Variants in SPOCK3 observed in about 807,000 individuals in gnomAD.
SPOCK3 encodes the protein SPARC (osteonectin), cwcv and kazal like domains proteoglycan 3, also known as testican-3.
Under a neutral mutation model 56.6 loss-of-function variants are expected in SPOCK3, and 30 were observed. The ratio of observed to expected loss-of-function variants is 0.53; its 90% confidence interval spans 0.40 to 0.72. The LOEUF is 0.72. Ranked by LOEUF, SPOCK3 falls within the 30% of genes least tolerant of loss-of-function variation. The pLI is 0.00. For missense variants in SPOCK3, 527 were observed against 530.0 expected, an observed-to-expected ratio of 0.99 and a Z score of 0.06; for synonymous variants, 196 against 183.3, an observed-to-expected ratio of 1.07 and a Z score of -0.56.
intron 2 of SPOCK3, among the ~76,000 whole-genome samples, chr4:167,117,566 C>A (rs2150358925): frequency 6.6e-6 from 1 of 152,208 alleles, no homozygotes; most frequent in Middle Eastern, 3.4e-3. Context: ...TTGCCCAAAG[C>A]CAGGGTCGAT....
At chr4:167,109,991 T>A (rs35553216) in intron 2 of SPOCK3, among the ~76,000 whole-genome samples, 22,853 of 152,000 alleles carry the variant, frequency 0.15, 1,991 homozygotes, top group Middle Eastern at 0.22. Context: ...TCTTTTAGAC[T>A]TGTAAACACA....
At chr4:166,894,695 TTAAC>T (rs1162649580) in intron 5 of SPOCK3, among the ~76,000 whole-genome samples, 1 of 152,104 alleles carries the variant, frequency 6.6e-6, no homozygotes, top group African/African-American at 2.4e-5. Flanking sequence ...GGTAACCAGA[TTAAC>T]TGACCAAGGA....
At chr4:167,056,112 GAGGA>G (rs1051709126) in intron 3 of SPOCK3, among the ~76,000 whole-genome samples, 1 of 152,196 alleles carries the variant, frequency 6.6e-6, no homozygotes, top group African/African-American at 2.4e-5. Context: ...AAAACTTCCA[GAGGA>G]ACGATCAGAC....
rs142361945 is a variant in SPOCK3 at position 166,939,860 on chromosome 4, T to C, written c.351-27117A>G. Reference sequence around the variant, plus strand: ...ATTGGTAAACATAATTGAATTTATTTATCTTGTTTAAGGCCATTGGTACTA... The same window carrying C: ...ATTGGTAAACATAATTGAATTTATTCATCTTGTTTAAGGCCATTGGTACTA... On this transcript the variant is annotated intron_variant, in intron 4 of 10. Transcript: ENST00000357545. 2.6e-3 allele frequency among the ~76,000 whole-genome samples: 399 copies of C among 152,354 alleles called. 2 individuals carry two copies. The highest frequency in any genetic ancestry group is 8.7e-3 in the African/African-American group (360 of 41,584).
intron 4 of SPOCK3, among the ~76,000 whole-genome samples, chr4:166,990,048 C>G (rs1168647342): frequency 6.6e-6 from 1 of 152,218 alleles, no homozygotes; most frequent in African/African-American, 2.4e-5. Flanking sequence ...TTTTGACAAG[C>G]AAGAAGTAAT....
chr4:167,189,269 A>G (rs891783141), intron 2 of SPOCK3, among the ~76,000 whole-genome samples: 1 of 146,184 alleles, frequency 6.8e-6, no homozygotes, highest in Non-Finnish European at 1.5e-5. Flanking sequence ...TCACTTAAAT[A>G]TGCAAAATGT....
intron 4 of SPOCK3, among the ~76,000 whole-genome samples, chr4:166,997,272 A>G (rs1748483636): frequency 6.6e-6 from 1 of 152,126 alleles, no homozygotes; most frequent in East Asian, 1.9e-4. Context: ...ACATTTACCT[A>G]TATAACAAAC....
chr4:167,121,994 C>G (rs576854788), intron 2 of SPOCK3, among the ~76,000 whole-genome samples: 314 of 152,086 alleles, frequency 2.1e-3, no homozygotes, highest in Admixed American at 3.5e-3. Flanking sequence ...CCATGGCAAA[C>G]CATAATTTCA....
At chr4:167,085,212 C>G (rs1758079518) in intron 2 of SPOCK3, among the ~76,000 whole-genome samples, 1 of 148,220 alleles carries the variant, frequency 6.7e-6, no homozygotes, top group Non-Finnish European at 1.5e-5. Context: ...TGAGGAATGA[C>G]TATAGGAATT....
chr4:167,018,762 T>A (rs1188870602), intron 3 of SPOCK3, among the ~76,000 whole-genome samples: 1 of 151,966 alleles, frequency 6.6e-6, no homozygotes, highest in African/African-American at 2.4e-5. Context: ...GTCTGTTTGG[T>A]CCATTTGGAA....
intron 2 of SPOCK3, among the ~76,000 whole-genome samples, chr4:167,080,761 C>T (rs1276955156): frequency 6.6e-6 from 1 of 151,836 alleles, no homozygotes; most frequent in African/African-American, 2.4e-5. Flanking sequence ...TTATCTCTTG[C>T]AAGGAGGCTG....
chr4:167,127,127 G>A (rs1172950913), intron 2 of SPOCK3, among the ~76,000 whole-genome samples: 1 of 152,124 alleles, frequency 6.6e-6, no homozygotes, highest in African/African-American at 2.4e-5. Flanking sequence ...AAGCTTAAAA[G>A]GAGATATGTT....
intron 2 of SPOCK3, among the ~76,000 whole-genome samples, chr4:167,103,869 C>T (rs960416993): frequency 2.0e-5 from 3 of 152,092 alleles, no homozygotes; most frequent in Non-Finnish European, 1.5e-5. Flanking sequence ...CTCCTCATGC[C>T]CAACTCCAGG....
intron 6 of SPOCK3, among the ~76,000 whole-genome samples, chr4:166,871,401 AG>A: frequency 6.6e-6 from 1 of 152,146 alleles, no homozygotes; most frequent in East Asian, 1.9e-4. Flanking sequence ...AGACATTAAA[AG>A]GATAACAAGA....
intron 3 of SPOCK3, among the ~76,000 whole-genome samples, chr4:167,013,372 ATTTGT>A (rs1750282454): frequency 6.6e-6 from 1 of 151,646 alleles, no homozygotes; most frequent in Non-Finnish European, 1.5e-5. Flanking sequence ...GTTTGCTACC[ATTTGT>A]TTTCTTTGTC....
intron 4 of SPOCK3, among the ~76,000 whole-genome samples, chr4:166,925,145 A>G (rs748304429): frequency 4.3e-4 from 66 of 152,168 alleles, no homozygotes; most frequent in Non-Finnish European, 8.2e-4. Context: ...GGCAATACAT[A>G]AGCAAGTAGC....
intron 2 of SPOCK3, among the ~76,000 whole-genome samples, chr4:167,114,247 A>G (rs1423139983): frequency 6.6e-6 from 1 of 152,112 alleles, no homozygotes; most frequent in Non-Finnish European, 1.5e-5. Context: ...GAAGAGCCAA[A>G]ATCCTGGAGA....
chr4:167,118,208 T>G (rs1761588165), intron 2 of SPOCK3, among the ~76,000 whole-genome samples: 1 of 152,148 alleles, frequency 6.6e-6, no homozygotes, highest in South Asian at 2.1e-4. Flanking sequence ...ATGATTATAA[T>G]TAATCCAAAA....
intron 3 of SPOCK3, among the ~76,000 whole-genome samples, chr4:167,011,031 T>C (rs1035678323): frequency 1.3e-5 from 2 of 152,090 alleles, no homozygotes; most frequent in African/African-American, 4.8e-5. Context: ...TTCATAACTT[T>C]TAAACTAGCA....
Sources: allele counts gnomAD v4.1 joint callset (sites outside exome capture counted in the v4.1 genomes callset), GRCh38; gene constraint gnomAD v4.1.1; transcripts MANE v1.5; gene names NCBI Gene and HGNC (gene_info 2026-07-23, HGNC 2026-07-21).